SCRG1: variants seen among roughly 807,000 people sequenced by gnomAD.
The protein encoded by SCRG1 is scrapie-responsive protein 1.
In SCRG1, 3 loss-of-function variants were observed where a neutral mutation model predicts 7.7. The ratio of observed to expected loss-of-function variants is 0.39; its 90% CI spans 0.18 to 1.01. SCRG1 has a LOEUF of 1.01. SCRG1 is among the 50% of genes least tolerant of loss of function. The pLI is 0.36. For missense variants in SCRG1, 110 were observed against 117.2 expected (o/e 0.94, Z 0.28); for synonymous variants, 46 against 41.2 (o/e 1.12, Z -0.44).
At chr4:173,412,528 C>T in the SCRG1 span, among the ~76,000 whole-genome samples, 1 of 152,338 alleles carries the variant, frequency 6.6e-6, no homozygotes, top group East Asian at 1.9e-4. Flanking sequence ...TACTCTGTCT[C>T]TGAGCTGAAG....
the SCRG1 span, among the ~76,000 whole-genome samples, chr4:173,424,136 C>T: frequency 9.9e-5 from 15 of 152,194 alleles, no homozygotes; most frequent in African/African-American, 3.6e-4. Context: ...CAAACCATAT[C>T]AGAACCTTAA....
chr4:173,430,157 A>C, the SCRG1 span, among the ~76,000 whole-genome samples: 1 of 152,166 alleles, frequency 6.6e-6, no homozygotes, highest in East Asian at 1.9e-4. Context: ...AAGCGGGGGA[A>C]CTGAAAATGT....
chr4:173,463,622 T>C, the SCRG1 span, among the ~76,000 whole-genome samples: 1 of 152,220 alleles, frequency 6.6e-6, no homozygotes, highest in Admixed American at 6.5e-5. Context: ...TGAGAAGCAG[T>C]AGACAGGAAT....
the SCRG1 span, among the ~76,000 whole-genome samples, chr4:173,488,301 C>A: frequency 2.0e-5 from 3 of 151,994 alleles, no homozygotes; most frequent in Non-Finnish European, 2.9e-5. Flanking sequence ...GAACAAGGCA[C>A]AGCTGCATCA....
At chr4:173,483,298 G>T in the SCRG1 span, among the ~76,000 whole-genome samples, 14 of 27,324 alleles carry the variant, frequency 5.1e-4, no homozygotes, top group Admixed American at 6.8e-4. Context: ...TATCATATAT[G>T]ATATATTATA....
At chr4:173,419,164 A>G in the SCRG1 span, 2 of 312,812 alleles carry the variant, frequency 6.4e-6, no homozygotes, top group African/African-American at 2.2e-5. Context: ...GTACTTCTCC[A>G]GCTCTACCTC....
chr4:173,434,960 A>C, the SCRG1 span, among the ~76,000 whole-genome samples: 2 of 152,186 alleles, frequency 1.3e-5, no homozygotes, highest in African/African-American at 4.8e-5. Context: ...CCAGGGGTTC[A>C]GGCTGGGGTC....
chr4:173,451,250 T>C, the SCRG1 span, among the ~76,000 whole-genome samples: 7 of 149,522 alleles, frequency 4.7e-5, no homozygotes, highest in East Asian at 1.4e-3. Flanking sequence ...TAAGCCAGCA[T>C]CTAGTATGAG....
At chr4:173,492,975 T>G in the SCRG1 span, among the ~76,000 whole-genome samples, 1 of 152,092 alleles carries the variant, frequency 6.6e-6, no homozygotes, top group Non-Finnish European at 1.5e-5. Flanking sequence ...TGACACTGAG[T>G]CACAGGCCTT....
the SCRG1 span, among the ~76,000 whole-genome samples, chr4:173,435,651 A>G: frequency 6.6e-6 from 1 of 152,216 alleles, no homozygotes; most frequent in East Asian, 1.9e-4. Flanking sequence ...GTAGGCAGCA[A>G]GAAAGAGTAG....
the SCRG1 span, among the ~76,000 whole-genome samples, chr4:173,497,353 C>T: frequency 3.9e-5 from 6 of 152,152 alleles, no homozygotes; most frequent in South Asian, 2.1e-4. Context: ...AGACTTGGTG[C>T]GACTTGTGGG....
chr4:173,388,615 T>C (rs375960314), intron 2 of SCRG1, among the ~76,000 whole-genome samples: 2 of 152,318 alleles, frequency 1.3e-5, no homozygotes, highest in South Asian at 2.1e-4. Flanking sequence ...GCCATTGATA[T>C]CATGCTGTCA....
At chr4:173,438,780 A>G in the SCRG1 span, among the ~76,000 whole-genome samples, 1 of 151,544 alleles carries the variant, frequency 6.6e-6, no homozygotes, top group East Asian at 1.9e-4. Context: ...AGATTTACCT[A>G]ATTCTTGCAA....
the SCRG1 span, among the ~76,000 whole-genome samples, chr4:173,451,024 T>C: frequency 6.6e-6 from 1 of 152,066 alleles, no homozygotes; most frequent in Non-Finnish European, 1.5e-5. Flanking sequence ...TTGCCTCTCT[T>C]TGGTTTGAGG....
chr4:173,414,171 C>T, the SCRG1 span, among the ~76,000 whole-genome samples: 55 of 152,256 alleles, frequency 3.6e-4, no homozygotes, highest in African/African-American at 1.2e-3. Context: ...GGTCAGACCC[C>T]GGAACACTTT....
At chr4:173,494,033 A>G in the SCRG1 span, among the ~76,000 whole-genome samples, 1 of 152,162 alleles carries the variant, frequency 6.6e-6, no homozygotes, top group Non-Finnish European at 1.5e-5. Context: ...ATAGATTCCT[A>G]CCCTCAGCTG....
At chr4:173,492,990 G>C in the SCRG1 span, among the ~76,000 whole-genome samples, 43,310 of 152,020 alleles carry the variant, frequency 0.28, 6,300 homozygotes, top group South Asian at 0.45. Flanking sequence ...GGCCTTAGTG[G>C]ACTAAGAACA....
chr4:173,475,665 A>G, the SCRG1 span, among the ~76,000 whole-genome samples: 45 of 152,326 alleles, frequency 3.0e-4, no homozygotes, highest in South Asian at 9.1e-3. Context: ...CATCATTCAC[A>G]ATAGTCAAAA....
At chr4:173,484,243 T>C in the SCRG1 span, among the ~76,000 whole-genome samples, 1 of 89,358 alleles carries the variant, frequency 1.1e-5, no homozygotes, top group African/African-American at 4.7e-5. Flanking sequence ...ATTTATATAT[T>C]ATATATTTTC....
Sources: allele counts gnomAD v4.1 joint callset (sites outside exome capture counted in the v4.1 genomes callset), GRCh38; gene constraint gnomAD v4.1.1; transcripts MANE v1.5; gene names NCBI Gene and HGNC (gene_info 2026-07-23, HGNC 2026-07-21).